Variants in CRTC3 observed in about 807,000 individuals in gnomAD.
CRTC3 encodes the protein CREB-regulated transcription coactivator 3.
A neutral mutation model predicts 74.5 loss-of-function variants in CRTC3; 26 were observed. The ratio of observed to expected loss-of-function variants is 0.35; its 90% CI spans 0.26 to 0.48. The LOEUF (loss-of-function observed/expected upper bound fraction) is 0.48. Ranked by LOEUF, CRTC3 falls within the 20% of genes least tolerant of loss-of-function variation. The pLI, the probability that CRTC3 is intolerant of heterozygous loss-of-function variation, is 0.99. For synonymous variants in CRTC3, 377 were observed against 325.8 expected, an observed-to-expected ratio of 1.16 and a Z score of -1.69; for missense variants, 760 against 787.3, an observed-to-expected ratio of 0.97 and a Z score of 0.41.
intron 10 of CRTC3, among the ~76,000 whole-genome samples, chr15:90,628,688 A>G (rs1968927166): frequency 6.6e-6 from 1 of 152,096 alleles, no homozygotes. Flanking sequence ...GAACCAGAAA[A>G]TCAAAGAGGG....
intron 2 of CRTC3, among the ~76,000 whole-genome samples, chr15:90,573,371 T>C (rs1279655407): frequency 1.3e-5 from 2 of 152,242 alleles, no homozygotes; most frequent in African/African-American, 2.4e-5. Flanking sequence ...TATGCTCTAA[T>C]TTGTATGAGT....
chr15:90,531,083 G>A (rs530506582), intron 1 of CRTC3, among the ~76,000 whole-genome samples: 2 of 152,014 alleles, frequency 1.3e-5, no homozygotes, highest in Non-Finnish European at 2.9e-5. Flanking sequence ...GGACTGAGGC[G>A]GGGGAGACAG....
At position 90,638,471 on chromosome 15, in the gene CRTC3, T is replaced by A; in HGVS notation, c.1292T>A (p.Leu431His). The A allele has an allele frequency of 6.2e-7, 1 of 1,614,104 alleles. No individual in the cohort carries two copies. ...ATGGTGTCCTCAGACCGAAGCCAAC[T>A]TTCCTTTCTGCCCACAGAAGCTCAA... Reference protein sequence around the residue: ...SQMVSSDRSQLSFLPTEAQAQ... With the variant: ...SQMVSSDRSQHSFLPTEAQAQ... Residue 431 changes from leucine to histidine, a missense_variant, in exon 12 of 15, where the codon CTT becomes CAT. Leu to His is a moderately conservative substitution (Grantham distance 99). Coordinates refer to ENST00000268184, the MANE Select transcript of CRTC3 (RefSeq NM_022769.5).
At chr15:90,596,690 G>A (rs1044725004) in intron 3 of CRTC3, among the ~76,000 whole-genome samples, 1 of 152,184 alleles carries the variant, frequency 6.6e-6, no homozygotes, top group Admixed American at 6.5e-5. Context: ...TGGAGGAGGA[G>A]GGCTGTGATT....
intron 11 of CRTC3, among the ~76,000 whole-genome samples, chr15:90,632,177 A>C (rs967684920): frequency 6.8e-6 from 1 of 147,842 alleles, no homozygotes; most frequent in Non-Finnish European, 1.5e-5. Flanking sequence ...CTTTAATTTT[A>C]TTTTGCAAGA....
intron 4 of CRTC3, chr15:90,604,104 G>A: frequency 6.6e-6 from 2 of 304,914 alleles, no homozygotes; most frequent in Non-Finnish European, 1.3e-5. Context: ...CCCCCTACAT[G>A]CACACTGAAC....
chr15:90,596,860 AATT>A (rs1218009540), intron 3 of CRTC3, among the ~76,000 whole-genome samples: 1 of 152,252 alleles, frequency 6.6e-6, no homozygotes, highest in Non-Finnish European at 1.5e-5. Context: ...AAAAAATCAG[AATT>A]ATTATAGCTG....
intron 3 of CRTC3, chr15:90,598,651 T>G (rs1411277220): frequency 4.8e-6 from 3 of 626,668 alleles, no homozygotes; most frequent in Non-Finnish European, 8.6e-6. Context: ...AAGGGGACAG[T>G]GATTGGTTGG....
chr15:90,544,402 A>G (rs1020550054), intron 2 of CRTC3, among the ~76,000 whole-genome samples: 34 of 152,208 alleles, frequency 2.2e-4, no homozygotes, highest in Admixed American at 2.0e-3. Context: ...AGTCATATTC[A>G]CAGGTTCTGG....
chr15:90,593,918 G>A, intron 3 of CRTC3, 163 bp downstream of exon 3: 2 of 608,982 alleles, frequency 3.3e-6, no homozygotes, highest in Non-Finnish European at 5.2e-6. Flanking sequence ...CATCTCTGCA[G>A]TCAACATTTG....
intron 1 of CRTC3, among the ~76,000 whole-genome samples, chr15:90,533,647 C>T (rs936605847): frequency 2.0e-5 from 3 of 151,986 alleles, no homozygotes; most frequent in East Asian, 1.9e-4. Context: ...TAGTGTGTGC[C>T]AGGGGTTAGG....
intron 2 of CRTC3, among the ~76,000 whole-genome samples, chr15:90,545,340 A>T (rs1331044900): frequency 6.6e-6 from 1 of 151,562 alleles, no homozygotes; most frequent in Non-Finnish European, 1.5e-5. Flanking sequence ...TCTGCTTTCC[A>T]TTCTTTTGGG....
At chr15:90,634,725 A>C in intron 11 of CRTC3, 1 of 770,460 alleles carries the variant, frequency 1.3e-6, no homozygotes. Flanking sequence ...GAAGGGAGTC[A>C]TGGCAGGACA....
chr15:90,628,888 T>C (rs1968933596), intron 10 of CRTC3, among the ~76,000 whole-genome samples: 1 of 152,122 alleles, frequency 6.6e-6, no homozygotes, highest in Non-Finnish European at 1.5e-5. Flanking sequence ...ACAGAATTTG[T>C]TGTACAGCCC....
chr15:90,530,289 G>A lies in CRTC3; in HGVS notation c.132+86G>A, dbSNP rs1400350706. 16 of 829,762 alleles carry A rather than the reference G, an allele frequency of 1.9e-5. No individual in the cohort carries two copies. The highest frequency in any genetic ancestry group is 1.5e-5 in the Non-Finnish European group (10 of 687,138). 51.4% of individuals were successfully genotyped at this position (829,762 alleles called of 1,614,324 possible). A position where few individuals can be genotyped will look rare whatever the true frequency, so the allele number is the denominator to read the frequency against. ...GGGTGAGAGGTTGCGGGGCCAAGGC[G>A]ATGGCGGGGCCGGGCGGGGGCCGCG... On this transcript the variant is annotated intron_variant, in intron 1 of 14. Transcript: ENST00000268184. This position sits in a 1 kb window ranked among gnomAD's most constrained non-coding sequence, Gnocchi z 6.2.
chr15:90,622,379 G>A (rs1212149307), intron 9 of CRTC3, among the ~76,000 whole-genome samples: 2 of 152,134 alleles, frequency 1.3e-5, no homozygotes, highest in South Asian at 2.1e-4. Flanking sequence ...GCTGTTGGAC[G>A]CTTCTCCCTG....
chr15:90,540,774 AAAAAAT>A (rs1966789891), intron 2 of CRTC3, among the ~76,000 whole-genome samples: 1 of 152,226 alleles, frequency 6.6e-6, no homozygotes. Context: ...CTGTCTCAAA[AAAAAAT>A]AAAAATAAAA....
chr15:90,576,736 T>A (rs1372057037), intron 2 of CRTC3, among the ~76,000 whole-genome samples: 2 of 152,168 alleles, frequency 1.3e-5, no homozygotes, highest in Non-Finnish European at 2.9e-5. Flanking sequence ...CTGTCAGTAA[T>A]TTCCAGTGTT....
At chr15:90,614,818 C>A (rs1183211765) in intron 7 of CRTC3, among the ~76,000 whole-genome samples, 1 of 152,124 alleles carries the variant, frequency 6.6e-6, no homozygotes, top group Non-Finnish European at 1.5e-5. Context: ...AATCCCAGCA[C>A]TTTGGGAGGC....
Sources: gnomAD v4.1 joint callset for allele counts (sites outside exome capture counted in the v4.1 genomes callset) on GRCh38, gnomAD v4.1.1 for gene constraint, Gnocchi (gnomAD v3.1) non-coding constraint, MANE v1.5 for transcripts, NCBI Gene and HGNC (gene_info 2026-07-23, HGNC 2026-07-21) for gene names.